YWHAZ: variants seen among roughly 807,000 people sequenced by gnomAD.
YWHAZ encodes the protein tyrosine 3-monooxygenase/tryptophan 5-monooxygenase activation protein zeta.
For synonymous variants in YWHAZ, 87 were observed against 103.6 expected (o/e 0.84, Z 0.97); for missense variants, 79 against 284.8 (o/e 0.28, Z 5.20).
chr8:100,931,713 A>G (rs1406620534), intron 2 of YWHAZ, among the ~76,000 whole-genome samples: 1 of 152,130 alleles, frequency 6.6e-6, no homozygotes, highest in Admixed American at 6.5e-5. Context: ...CCCAACCGAG[A>G]GTAGGCATTC....
chr8:100,939,476 A>G (rs1302518601), intron 2 of YWHAZ, among the ~76,000 whole-genome samples: 1 of 151,420 alleles, frequency 6.6e-6, no homozygotes, highest in Non-Finnish European at 1.5e-5. Flanking sequence ...CCTTACCAAC[A>G]TGGAGAAACC....
rs1048331379 is a variant in YWHAZ, at chr8:100,924,313, C to T, written c.419-15G>A. ...ATCGACAATCCCTGGATAAGACACA[C>T]CAAAACGTACTGAGATAAAGTGTGC... On this transcript the variant is annotated splice_polypyrimidine_tract_variant and intron_variant, in intron 3 of 5. Coordinates refer to ENST00000395958, the MANE Select transcript of YWHAZ (RefSeq NM_145690.3). The surrounding 1 kb of genome is among the most constrained non-coding windows in gnomAD (Gnocchi z 5.7). The T allele has an allele frequency of 1.2e-6, 2 of 1,607,264 alleles. No individual in the cohort carries two copies. Among genetic ancestry groups the T allele is most frequent in the African/African-American group, 1.3e-5 (1 of 74,836 alleles).
At chr8:100,937,931 G>C (rs1024590443) in intron 2 of YWHAZ, among the ~76,000 whole-genome samples, 2 of 152,220 alleles carry the variant, frequency 1.3e-5, no homozygotes, top group Admixed American at 1.3e-4. Flanking sequence ...AGGAGTTCGA[G>C]ACCAGCCTGA....
At chr8:100,952,171 G>C, upstream of YWHAZ, 6 of 984,728 alleles carry the variant, frequency 6.1e-6, no homozygotes, top group South Asian at 4.7e-5. Flanking sequence ...TCGGGGCCCC[G>C]CGTAACCGCC....
At chr8:100,930,580 T>A (rs1213294054) in intron 2 of YWHAZ, among the ~76,000 whole-genome samples, 1 of 152,226 alleles carries the variant, frequency 6.6e-6, no homozygotes, top group Non-Finnish European at 1.5e-5. Context: ...CTTCCTGAAA[T>A]ATAATCTCAT....
At chr8:100,942,880 G>A (rs955728383) in intron 2 of YWHAZ, among the ~76,000 whole-genome samples, 1 of 152,178 alleles carries the variant, frequency 6.6e-6, no homozygotes, top group Non-Finnish European at 1.5e-5. Flanking sequence ...ACCACAAGCA[G>A]CAGTAAAAAG....
At chr8:100,952,094 C>G, upstream of YWHAZ, 1 of 987,136 alleles carries the variant, frequency 1.0e-6, no homozygotes, top group Non-Finnish European at 1.2e-6. Flanking sequence ...GCCCCGGCAG[C>G]AGGGGCACCA....
At chr8:100,949,644 G>A (rs908310633) in intron 1 of YWHAZ, among the ~76,000 whole-genome samples, 4 of 152,150 alleles carry the variant, frequency 2.6e-5, no homozygotes, top group Non-Finnish European at 5.9e-5. Flanking sequence ...CTCTTACTGT[G>A]AGTACTAGAA....
chr8:100,946,135 TAAC>T (rs1322017865), intron 2 of YWHAZ, among the ~76,000 whole-genome samples: 2 of 152,222 alleles, frequency 1.3e-5, no homozygotes, highest in African/African-American at 2.4e-5. Context: ...TTAATAATCA[TAAC>T]AAGAAGAAAC....
chr8:100,929,397 G>A (rs1413756450), intron 2 of YWHAZ, among the ~76,000 whole-genome samples: 7 of 152,064 alleles, frequency 4.6e-5, no homozygotes, highest in Admixed American at 6.6e-5. Flanking sequence ...ATGGGGTTTC[G>A]CCATGTTGGC....
Position 100,924,144 on chromosome 8 carries a change from A to C in YWHAZ, c.573T>G (p.Leu191=), listed in dbSNP as rs759756663. 1.9e-6 allele frequency: 3 copies of C among 1,611,876 alleles called. No homozygotes were observed. The highest frequency in any genetic ancestry group is 2.2e-5 in the South Asian group (2 of 90,674). Residue 191 remains leucine (L), a synonymous_variant, in exon 4 of 6, where the codon CTT becomes CTG. Transcript: ENST00000395958. This position sits in a 1 kb window ranked among gnomAD's most constrained non-coding sequence, Gnocchi z 5.7. ...ILNSPEKACS[L]AKTAFDEAIA... is the part of the protein sequence containing the mutation. ...CAGGTAAAATACATACTGTCTTTGC[A>C]AGAGAGCAGGCTTTCTCTGGGGAGT...
chr8:100,937,276 CTTTA>C (rs1200723327), intron 2 of YWHAZ, among the ~76,000 whole-genome samples: 1 of 150,778 alleles, frequency 6.6e-6, no homozygotes, highest in African/African-American at 2.4e-5. Flanking sequence ...TTTTCATACC[CTTTA>C]TATGCTTTTT....
chr8:100,951,939 A>G lies in YWHAZ; in HGVS notation c.-22T>C. On this transcript the variant is annotated 5_prime_UTR_variant, in exon 1 of 6. Coordinates refer to ENST00000395958, the MANE Select transcript of YWHAZ (RefSeq NM_145690.3). ...GGCCGGGTTCCTCACCTGTGTCCGG[A>G]GTGGGTGGTGGCGGCGGACGGACGG... The G allele has an allele frequency of 1.0e-6, 1 of 1,000,300 alleles. No homozygotes were observed. The highest frequency in any genetic ancestry group is 4.1e-5 in the South Asian group (1 of 24,436). 62.0% of individuals were successfully genotyped at this position (1,000,300 alleles called of 1,614,324 possible). A position where few individuals can be genotyped will look rare whatever the true frequency, so the allele number is the denominator to read the frequency against.
Position 100,948,945 on chromosome 8 carries a change from A to T in YWHAZ, c.-11-45T>A. On this transcript the variant is annotated intron_variant, in intron 1 of 5. Coordinates refer to ENST00000395958, the MANE Select transcript of YWHAZ (RefSeq NM_145690.3). The surrounding 1 kb of genome is among the most constrained non-coding windows in gnomAD (Gnocchi z 4.2). Reference sequence around the variant, plus strand: ...AGTATTTAAAATTTTTCCCATCAAAATAAACAGACTCAAAATTATACCTGT... The same window carrying T: ...AGTATTTAAAATTTTTCCCATCAAATTAAACAGACTCAAAATTATACCTGT... The T allele has an allele frequency of 6.5e-7, 1 of 1,528,738 alleles. No homozygotes were observed. The highest frequency in any genetic ancestry group is 2.3e-5 in the East Asian group (1 of 44,298). The allele number at this position is 1,528,738 out of a possible 1,614,324, so 94.7% of individuals were successfully genotyped here.
At chr8:100,932,428 A>C (rs908732801) in intron 2 of YWHAZ, among the ~76,000 whole-genome samples, 1 of 152,330 alleles carries the variant, frequency 6.6e-6, no homozygotes, top group Admixed American at 6.5e-5. Context: ...ATAAATAGGT[A>C]CATTTTCTAG....
chr8:100,951,309 C>G, intron 1 of YWHAZ: 1 of 984,648 alleles, frequency 1.0e-6, no homozygotes, highest in Non-Finnish European at 1.2e-6. Context: ...CTTGGGTCCC[C>G]GAGGCCCCCG....
In YWHAZ at chr8:100,918,495, AAAAG is replaced by A. The variant is rs1010791537; in HGVS notation, c.*2194_*2197del. 3.5e-5 allele frequency: 5 copies of A among 141,138 alleles called. No individual in the cohort carries two copies. The highest frequency in any genetic ancestry group is 7.5e-5 in the Admixed American group (1 of 13,388). The allele number at this position is 141,138 out of a possible 1,614,324, so 8.7% of individuals were successfully genotyped here. On this transcript the variant is annotated 3_prime_UTR_variant, in exon 6 of 6. Coordinates refer to ENST00000395958, the MANE Select transcript of YWHAZ (RefSeq NM_145690.3). ...GTCAGGAGAAATCAGTAAGTGAGGT[AAAAG>A]AAAGAGCTGCGAGGGAAAAGGATTG...
At chr8:100,931,209 C>T (rs1446070216) in intron 2 of YWHAZ, among the ~76,000 whole-genome samples, 1 of 152,186 alleles carries the variant, frequency 6.6e-6, no homozygotes, top group Non-Finnish European at 1.5e-5. Flanking sequence ...TCTATATTTA[C>T]AATGATGTTT....
At position 100,918,436 on chromosome 8, in the gene YWHAZ, A is replaced by ATATATATATT. The variant is rs1812809165; in HGVS notation, c.*2256_*2257insAATATATATA. 1 of 106,288 alleles carries ATATATATATT rather than the reference A, an allele frequency of 9.4e-6. No individual in the cohort carries two copies. Among genetic ancestry groups the ATATATATATT allele is most frequent in the African/African-American group, 3.7e-5 (1 of 27,164 alleles). 6.6% of individuals were successfully genotyped at this position (106,288 alleles called of 1,614,324 possible). On this transcript the variant is annotated 3_prime_UTR_variant, in exon 6 of 6. Transcript: ENST00000395958. ...TATATATATATATATATATATATATATATATATAATTATTTTACCTCCTTG... is the reference window on the plus strand; with the variant it reads ...TATATATATATATATATATATATATATATATATATTTATATATAATTATTTTACCTCCTTG...
Sources: gnomAD v4.1 joint callset for allele counts (sites outside exome capture counted in the v4.1 genomes callset) on GRCh38, gnomAD v4.1.1 for gene constraint, Gnocchi (gnomAD v3.1) non-coding constraint, MANE v1.5 for transcripts, NCBI Gene and HGNC (gene_info 2026-07-23, HGNC 2026-07-21) for gene names.